Variants in PPP2R5C observed in about 807,000 individuals in gnomAD.
The protein encoded by PPP2R5C is serine/threonine-protein phosphatase 2A 56 kDa regulatory subunit gamma isoform.
A neutral mutation model predicts 68.9 loss-of-function variants in PPP2R5C; 7 were observed. The observed-to-expected ratio is 0.10, with a 90% CI of 0.06 to 0.19. The LOEUF (loss-of-function observed/expected upper bound fraction) is 0.19. Among genes scored for constraint, PPP2R5C ranks in the 10% least tolerant of loss-of-function variants. The pLI is 1.00. For synonymous variants in PPP2R5C, 210 were observed against 222.2 expected (o/e 0.95, Z 0.49); for missense variants, 348 against 641.3 (o/e 0.54, Z 4.94).
chr14:101,800,478 G>T (rs573645754), intron 3 of PPP2R5C, among the ~76,000 whole-genome samples: 1 of 152,176 alleles, frequency 6.6e-6, no homozygotes, highest in East Asian at 1.9e-4. Flanking sequence ...CACAAGAATT[G>T]CTTGAACCCA....
chr14:101,773,259 G>A (rs902748290), intron 2 of PPP2R5C, among the ~76,000 whole-genome samples: 4 of 152,118 alleles, frequency 2.6e-5, no homozygotes, highest in Admixed American at 2.0e-4. Context: ...TCTCACCTTT[G>A]CAGAGCAATG....
intron 1 of PPP2R5C, chr14:101,810,119 G>A: frequency 1.5e-6 from 2 of 1,302,198 alleles, no homozygotes. Context: ...AAGAAAAGCA[G>A]GAAGTCCTTT....
At chr14:101,911,520 C>G (rs1347750263) in intron 11 of PPP2R5C, among the ~76,000 whole-genome samples, 1 of 152,152 alleles carries the variant, frequency 6.6e-6, no homozygotes, top group Non-Finnish European at 1.5e-5. Flanking sequence ...GCAGATCCTC[C>G]TCTCGTGGAA....
chr14:101,892,271 C>T (rs1294996690), intron 6 of PPP2R5C, among the ~76,000 whole-genome samples: 1 of 151,828 alleles, frequency 6.6e-6, no homozygotes, highest in East Asian at 1.9e-4. Flanking sequence ...GATTTTTAAC[C>T]AGCTCTCATC....
Position 101,837,959 on chromosome 14 carries a change from C to A in PPP2R5C, c.95-18727C>A, listed in dbSNP as rs186701965. 1.2e-3 allele frequency among the ~76,000 whole-genome samples: 176 copies of A among 152,192 alleles called. 1 individual carries two copies. Among genetic ancestry groups the A allele is most frequent in the Non-Finnish European group, 1.1e-3 (78 of 68,012 alleles). ...TTCAGGCTGGGCTGTCGGACTTGGC[C>A]GTGTTCTCATGTGCAGAACCACCAT... On this transcript the variant is annotated intron_variant, in intron 1 of 13. Transcript: ENST00000334743.
At chr14:101,863,252 G>A (rs187377130) in intron 2 of PPP2R5C, among the ~76,000 whole-genome samples, 46 of 151,894 alleles carry the variant, frequency 3.0e-4, no homozygotes, top group Middle Eastern at 3.4e-3. Flanking sequence ...AGGTTGTAGC[G>A]AGCCGAGATT....
chr14:101,893,880 TCA>T (rs2045128892), intron 7 of PPP2R5C, among the ~76,000 whole-genome samples: 1 of 152,256 alleles, frequency 6.6e-6, no homozygotes, highest in African/African-American at 2.4e-5. Flanking sequence ...TGGTTTTCTC[TCA>T]CTCTTTGGCT....
At chr14:101,806,002 A>G (rs1437332159), upstream of PPP2R5C, among the ~76,000 whole-genome samples, 2 of 152,202 alleles carry the variant, frequency 1.3e-5, no homozygotes, top group Non-Finnish European at 2.9e-5. Flanking sequence ...GACACTGTGA[A>G]TGTGCTTAAT....
In PPP2R5C at chr14:101,838,994, A is replaced by C. The variant is rs976867280; in HGVS notation, c.95-17692A>C. On this transcript the variant is annotated intron_variant, in intron 1 of 13. Transcript: ENST00000334743. Reference sequence around the variant, plus strand: ...GGGAGGCAGAGGTTGCAGTGAGCCGAGATTGCACCACTGAACTCCAGCCTG... The same window carrying C: ...GGGAGGCAGAGGTTGCAGTGAGCCGCGATTGCACCACTGAACTCCAGCCTG... 2.0e-5 allele frequency: 3 copies of C among 149,252 alleles called. No homozygotes were observed. The Admixed American group carries it at 2.0e-4, about 10-fold the overall frequency. The allele number at this position is 149,252 out of a possible 1,614,324, so 9.2% of individuals were successfully genotyped here.
chr14:101,814,995 G>A (rs990084061), intron 1 of PPP2R5C, among the ~76,000 whole-genome samples: 16 of 152,276 alleles, frequency 1.1e-4, no homozygotes, highest in South Asian at 4.2e-4. Context: ...ACGAGGTCCC[G>A]AAGCTGCTGC....
At chr14:101,826,077 A>G (rs1252523819) in intron 1 of PPP2R5C, among the ~76,000 whole-genome samples, 1 of 152,160 alleles carries the variant, frequency 6.6e-6, no homozygotes, top group African/African-American at 2.4e-5. Context: ...TGTTTTGCAG[A>G]TATTTTTCTC....
At chr14:101,770,663 G>A (rs1047714680) in intron 2 of PPP2R5C, among the ~76,000 whole-genome samples, 3 of 152,164 alleles carry the variant, frequency 2.0e-5, no homozygotes, top group African/African-American at 4.8e-5. Context: ...TAAAAGCTTC[G>A]CTACGGTATA....
In PPP2R5C at chr14:101,834,386, T is replaced by C. The variant is rs148921384; in HGVS notation, c.95-22300T>C. Among the ~76,000 whole-genome samples the C allele has an allele frequency of 1.4e-4, 22 of 152,280 alleles. No individual in the cohort carries two copies. In the East Asian group the frequency reaches 4.2e-3, roughly 29 times the overall value. On this transcript the variant is annotated intron_variant, in intron 1 of 13. Coordinates refer to ENST00000334743, the Ensembl canonical transcript of PPP2R5C. ...CCTCTTCAAGCCAAACAAAAAGTCT[T>C]CTCAAAAAATGGAACTAAAGATGGT... is the stretch of plus-strand genomic sequence containing the variant.
chr14:101,910,811 C>T (rs561976687), intron 11 of PPP2R5C, among the ~76,000 whole-genome samples: 1 of 146,118 alleles, frequency 6.8e-6, no homozygotes, highest in Non-Finnish European at 1.5e-5. Flanking sequence ...ACTAAAAATA[C>T]AAAAAAAAAG....
intron 11 of PPP2R5C, among the ~76,000 whole-genome samples, chr14:101,911,251 G>A (rs35359349): frequency 4.9e-4 from 74 of 152,304 alleles, no homozygotes; most frequent in Admixed American, 1.4e-3. Flanking sequence ...TCCAGCCTGG[G>A]CGACAGAGCG....
At chr14:101,918,239 C>T (rs1389914557) in intron 13 of PPP2R5C, among the ~76,000 whole-genome samples, 1 of 130,450 alleles carries the variant, frequency 7.7e-6, no homozygotes, top group Non-Finnish European at 1.6e-5. Flanking sequence ...AAATCGAAAG[C>T]TTCACAGCCA....
At chr14:101,866,295 G>A (rs1167652924) in intron 2 of PPP2R5C, among the ~76,000 whole-genome samples, 2 of 152,210 alleles carry the variant, frequency 1.3e-5, no homozygotes, top group Non-Finnish European at 1.5e-5. Flanking sequence ...TACATGGTCT[G>A]AAGTATGATT....
At chr14:101,766,199 G>A (rs1464858580) in intron 2 of PPP2R5C, 1 of 152,298 alleles carries the variant, frequency 6.6e-6, no homozygotes, top group East Asian at 1.9e-4. Flanking sequence ...GTATGTTGCA[G>A]AACAATTCTT....
At chr14:101,817,571 C>T (rs1406160835) in intron 1 of PPP2R5C, among the ~76,000 whole-genome samples, 1 of 152,028 alleles carries the variant, frequency 6.6e-6, no homozygotes, top group Non-Finnish European at 1.5e-5. Context: ...AGTGTAACTG[C>T]CTTTGAGCCA....
Sources: allele counts gnomAD v4.1 joint callset (sites outside exome capture counted in the v4.1 genomes callset), GRCh38; gene constraint gnomAD v4.1.1; transcripts MANE v1.5; gene names NCBI Gene and HGNC (gene_info 2026-07-23, HGNC 2026-07-21).